The following IL1RAPL2 variants were observed in gnomAD, a reference collection of about 807,000 sequenced individuals.
IL1RAPL2 encodes X-linked interleukin-1 receptor accessory protein-like 2.
A neutral mutation model predicts 44.1 loss-of-function variants in IL1RAPL2; 3 were observed. The ratio of observed to expected loss-of-function variants is 0.07; its 90% confidence interval spans 0.03 to 0.18. The LOEUF is 0.18. IL1RAPL2 is among the 10% of genes least tolerant of loss of function. The pLI is 1.00. For synonymous variants in IL1RAPL2, 181 were observed against 178.8 expected, an observed-to-expected ratio of 1.01 and a Z score of -0.10; for missense variants, 391 against 496.4, an observed-to-expected ratio of 0.79 and a Z score of 2.02.
intron 2 of IL1RAPL2, among the ~76,000 whole-genome samples, chrX:105,053,576 C>T (rs1467865707): frequency 9.0e-6 from 1 of 111,148 alleles, no homozygotes; most frequent in Non-Finnish European, 1.9e-5. Flanking sequence ...AGTCTAGAAC[C>T]TCCTCCTCCC....
Position 105,233,895 on chromosome X carries a change from G to A in IL1RAPL2, c.434G>A (p.Arg145Lys). Residue 145 changes from arginine to lysine, a missense_variant, in exon 4 of 11, where the codon AGG becomes AAG. Transcript: ENST00000372582. Reference sequence around the variant, plus strand: ...GAATCAGGCCTGTGCTACAACAGCAGGATCCGCTATTTAGAAAAATCTGAA... The same window carrying A: ...GAATCAGGCCTGTGCTACAACAGCAAGATCCGCTATTTAGAAAAATCTGAA... Reference protein sequence around the residue: ...ENESGLCYNSRIRYLEKSEVT... With the variant: ...ENESGLCYNSKIRYLEKSEVT... 2 of 1,209,788 alleles carry A rather than the reference G, an allele frequency of 1.7e-6. No individual in the cohort carries two copies. The highest frequency in any genetic ancestry group is 2.2e-6 in the Non-Finnish European group (2 of 893,724).
intron 5 of IL1RAPL2, among the ~76,000 whole-genome samples, chrX:105,446,537 A>G (rs2035955837): frequency 9.1e-6 from 1 of 109,669 alleles, no homozygotes; most frequent in Non-Finnish European, 1.9e-5. Context: ...TAATTTCTTG[A>G]TTTTTGTTTT....
At chrX:105,636,058 T>C (rs1246741498) in intron 6 of IL1RAPL2, among the ~76,000 whole-genome samples, 1 of 110,600 alleles carries the variant, frequency 9.0e-6, no homozygotes, top group Non-Finnish European at 1.9e-5. Context: ...TTTCTTTTAA[T>C]AGGGGAGGAA....
chrX:105,682,179 G>A (rs1345150406), intron 6 of IL1RAPL2, among the ~76,000 whole-genome samples: 1 of 112,009 alleles, frequency 8.9e-6, no homozygotes, highest in Non-Finnish European at 1.9e-5. Context: ...AAAGAAGATA[G>A]TGAAGATTAC....
At chrX:104,912,128 T>C (rs997135998) in intron 2 of IL1RAPL2, among the ~76,000 whole-genome samples, 2 of 57,625 alleles carry the variant, frequency 3.5e-5, no homozygotes, top group Non-Finnish European at 7.0e-5. Context: ...CAGCTGCAGG[T>C]GGACAGGGAT....
At chrX:105,704,860 G>A (rs1279514689) in intron 6 of IL1RAPL2, among the ~76,000 whole-genome samples, 1 of 110,375 alleles carries the variant, frequency 9.1e-6, no homozygotes, top group Non-Finnish European at 1.9e-5. Flanking sequence ...TGCAAATTCT[G>A]TAAGAACATT....
intron 2 of IL1RAPL2, among the ~76,000 whole-genome samples, chrX:105,092,839 C>T (rs755214461): frequency 1.8e-5 from 2 of 110,887 alleles, no homozygotes; most frequent in South Asian, 7.7e-4. Context: ...AGTGCCCATG[C>T]TATTATTTTC....
chrX:105,747,510 G>A (rs1215099788), intron 8 of IL1RAPL2, among the ~76,000 whole-genome samples: 5 of 56,673 alleles, frequency 8.8e-5, no homozygotes, highest in African/African-American at 2.6e-4. Context: ...GTGTGTGTGT[G>A]TGTGTGTATA....
chrX:105,358,044 A>C (rs2035216905), intron 5 of IL1RAPL2, among the ~76,000 whole-genome samples: 3 of 99,492 alleles, frequency 3.0e-5, no homozygotes, highest in African/African-American at 1.2e-4. Flanking sequence ...TTCTAAAAAA[A>C]AAAAAAAAAA....
chrX:104,765,677 G>A (rs1932541260), intron 2 of IL1RAPL2, among the ~76,000 whole-genome samples: 1 of 111,730 alleles, frequency 9.0e-6, no homozygotes, highest in Non-Finnish European at 1.9e-5. Context: ...ATACATTTTG[G>A]GAGTGACCAT....
chrX:104,865,868 G>C (rs774242335), intron 2 of IL1RAPL2, among the ~76,000 whole-genome samples: 1 of 112,533 alleles, frequency 8.9e-6, no homozygotes, highest in South Asian at 3.7e-4. Flanking sequence ...ACTCAGACTG[G>C]CTTCCTTGCT....
chrX:105,654,425 T>C (rs769295594), intron 6 of IL1RAPL2, among the ~76,000 whole-genome samples: 82 of 111,541 alleles, frequency 7.4e-4, no homozygotes, highest in Non-Finnish European at 1.2e-3. Context: ...AAGGTTTAAA[T>C]CTGGATTGAT....
chrX:105,075,532 G>C (rs2032282273), intron 2 of IL1RAPL2, among the ~76,000 whole-genome samples: 1 of 111,372 alleles, frequency 9.0e-6, no homozygotes. Context: ...GCCAGGCTTT[G>C]GTATCAGGAT....
At chrX:105,334,502 T>A (rs1466140586) in intron 5 of IL1RAPL2, among the ~76,000 whole-genome samples, 1 of 111,546 alleles carries the variant, frequency 9.0e-6, no homozygotes, top group Non-Finnish European at 1.9e-5. Context: ...CATTTTAAGA[T>A]AACTAAGAGT....
intron 2 of IL1RAPL2, among the ~76,000 whole-genome samples, chrX:104,908,527 C>T (rs377496144): frequency 2.3e-4 from 25 of 109,390 alleles, no homozygotes; most frequent in East Asian, 5.8e-4. Flanking sequence ...AGCATTTGCT[C>T]GTCTGTAAAG....
In IL1RAPL2 at chrX:105,388,356, ATTTTTTT is replaced by A. The variant is rs772573698; in HGVS notation, c.698-95934_698-95928del. Among the ~76,000 whole-genome samples, 46 of 61,264 alleles carry A rather than the reference ATTTTTTT, an allele frequency of 7.5e-4. 4 individuals are homozygous for A. The East Asian group carries it at 8.1e-3, about 11-fold the overall frequency. The allele number at this position is 61,264 out of a possible 115,157, so 53.2% of individuals were successfully genotyped here. A position where few individuals can be genotyped will look rare whatever the true frequency, so the allele number is the denominator to read the frequency against. On this transcript the variant is annotated intron_variant, in intron 5 of 10. Coordinates refer to ENST00000372582, the MANE Select transcript of IL1RAPL2 (RefSeq NM_017416.2). ...CAAACCAAATATTTTACCAAAGCAG[ATTTTTTT>A]TTTTTTTTTTTTTTTTTTTTTTACT...
At chrX:105,686,850 G>T (rs752227335) in intron 6 of IL1RAPL2, among the ~76,000 whole-genome samples, 2 of 111,929 alleles carry the variant, frequency 1.8e-5, no homozygotes, top group African/African-American at 3.2e-5. Context: ...AAATGTAAAA[G>T]AACAGAAATC....
At chrX:105,086,704 A>ATATG (rs764287895) in intron 2 of IL1RAPL2, among the ~76,000 whole-genome samples, 1 of 104,313 alleles carries the variant, frequency 9.6e-6, no homozygotes, top group African/African-American at 3.5e-5. Context: ...TTGTATATAT[A>ATATG]TGTGTGTGTG....
chrX:104,994,646 T>A (rs1168665079), intron 2 of IL1RAPL2, among the ~76,000 whole-genome samples: 1 of 111,203 alleles, frequency 9.0e-6, no homozygotes, highest in Non-Finnish European at 1.9e-5. Flanking sequence ...GGAATCCAGA[T>A]TCAAGGGTAT....
Sources: gnomAD v4.1 joint callset for allele counts (sites outside exome capture counted in the v4.1 genomes callset) on GRCh38, gnomAD v4.1.1 for gene constraint, MANE v1.5 for transcripts, NCBI Gene and HGNC (gene_info 2026-07-23, HGNC 2026-07-21) for gene names.